The following CSMD2 variants were observed in gnomAD, a reference collection of about 807,000 sequenced individuals.
CSMD2 encodes the protein CUB and sushi domain-containing protein 2.
CSMD2 carries 130 observed loss-of-function variants against 398.5 expected under a neutral mutation model. That is an observed-to-expected ratio of 0.33 (90% CI 0.28 to 0.38). CSMD2 has a LOEUF of 0.38. Among genes scored for constraint, CSMD2 ranks in the 10% least tolerant of loss-of-function variants. CSMD2 has a pLI of 1.00. For synonymous variants in CSMD2, 1,828 were observed against 1,908.5 expected (o/e 0.96, Z 1.10); for missense variants, 3,829 against 4,764.9 (o/e 0.80, Z 5.78).
intron 2 of CSMD2, among the ~76,000 whole-genome samples, chr1:34,073,151 CCTT>C (rs1278177771): frequency 6.6e-6 from 1 of 152,232 alleles, no homozygotes; most frequent in African/African-American, 2.4e-5. Context: ...TCCTCTGCCT[CCTT>C]ATTAACCACA....
chr1:34,148,348 C>A (rs528749738), intron 1 of CSMD2, among the ~76,000 whole-genome samples: 7 of 152,162 alleles, frequency 4.6e-5, no homozygotes, highest in Admixed American at 1.3e-4. Flanking sequence ...GGCCCCTTGC[C>A]CAGTCTCTCA....
At chr1:33,760,735 C>T (rs1343941467) in intron 13 of CSMD2, among the ~76,000 whole-genome samples, 1 of 152,108 alleles carries the variant, frequency 6.6e-6, no homozygotes, top group Non-Finnish European at 1.5e-5. Context: ...GTGCTGGGCT[C>T]AGGGAAGGTA....
chr1:34,014,888 C>T (rs2148082875), intron 3 of CSMD2, among the ~76,000 whole-genome samples: 1 of 152,324 alleles, frequency 6.6e-6, no homozygotes, highest in Middle Eastern at 3.4e-3. Flanking sequence ...CTCTCTGTAC[C>T]AAGAAGCCTC....
intron 55 of CSMD2, among the ~76,000 whole-genome samples, chr1:33,554,015 G>A (rs1657714606): frequency 6.6e-6 from 1 of 151,860 alleles, no homozygotes; most frequent in African/African-American, 2.4e-5. Context: ...AGCAAGCAGA[G>A]GTTGGCTTAT....
rs150575122 is a variant in CSMD2, at chr1:33,602,395, C to T, written c.6684G>A (p.Glu2228=). The change falls in exon 43 of 71, where the codon GAG becomes GAA. Residue 2228 remains glutamate, a synonymous_variant. Coordinates refer to ENST00000373381, the MANE Select transcript of CSMD2 (RefSeq NM_001281956.2). ...AGATGGTGATGAAATCTCCAGAGGG[C>T]TCTGTCTGCAGCAGGCTGAGGTTGA... The part of the protein sequence containing the change: ...VRLNLSLLQT[E]PSGDFITIWD... 2.5e-6 allele frequency: 4 copies of T among 1,613,782 alleles called. No individual in the cohort carries two copies. Among genetic ancestry groups the T allele is most frequent in the Non-Finnish European group, 3.4e-6 (4 of 1,179,914 alleles).
rs1189657981 is a variant in CSMD2 at position 33,580,799 on chromosome 1, T to C, written c.7341A>G (p.Ser2447=). The C allele has an allele frequency of 1.9e-6, 3 of 1,614,180 alleles. No individual in the cohort carries two copies. The highest frequency in any genetic ancestry group is 1.7e-6 in the Non-Finnish European group (2 of 1,180,024). The change falls in exon 48 of 71, where the codon TCA becomes TCG. Residue 2447 remains serine (S), a synonymous_variant. Coordinates refer to ENST00000373381, the MANE Select transcript of CSMD2 (RefSeq NM_001281956.2). Reference sequence around the variant, plus strand: ...CCTTCCGATTGTAGGCGTGATCAGATGACCAACGCAGGTACACAGAGTTGC... The same window carrying C: ...CCTTCCGATTGTAGGCGTGATCAGACGACCAACGCAGGTACACAGAGTTGC... ...SSSNSVYLRW[S]SDHAYNRKGF... is the part of the protein sequence containing the mutation.
At chr1:33,669,512 C>A (rs904235940) in intron 25 of CSMD2, among the ~76,000 whole-genome samples, 2 of 152,180 alleles carry the variant, frequency 1.3e-5, no homozygotes, top group African/African-American at 4.8e-5. Context: ...CCCTGGGCTT[C>A]CCCAGTTGCC....
intron 6 of CSMD2, among the ~76,000 whole-genome samples, chr1:33,830,213 G>A (rs2125030955): frequency 6.6e-6 from 1 of 152,320 alleles, no homozygotes; most frequent in South Asian, 2.1e-4. Context: ...CTCCTCAAGT[G>A]GGTCCCTGAC....
rs201286217 is a variant in CSMD2 at position 33,810,724 on chromosome 1, C to T, written c.1446+19G>A. ...TAGCCCTGCCCACAGAACACCACCC[C>T]GCTCCCCAAGAGGCTTACCTTGGAG... On this transcript the variant is annotated intron_variant, in intron 10 of 70. Coordinates refer to ENST00000373381, the MANE Select transcript of CSMD2 (RefSeq NM_001281956.2). 2.1e-3 allele frequency: 3,336 copies of T among 1,611,546 alleles called. 19 individuals are homozygous for T. The Middle Eastern group carries it at 0.021, about 10-fold the overall frequency.
At chr1:33,534,218 A>G (rs1321821722) in intron 62 of CSMD2, among the ~76,000 whole-genome samples, 1 of 152,206 alleles carries the variant, frequency 6.6e-6, no homozygotes, top group African/African-American at 2.4e-5. Flanking sequence ...GGCAGGCTGC[A>G]TGGAACTCTG....
intron 25 of CSMD2, among the ~76,000 whole-genome samples, chr1:33,677,759 C>T (rs1262591607): frequency 6.6e-6 from 1 of 151,722 alleles, no homozygotes; most frequent in African/African-American, 2.4e-5. Context: ...ACATATACAC[C>T]ATGGAATACT....
chr1:33,581,684 G>A (rs1570813628), intron 47 of CSMD2, among the ~76,000 whole-genome samples: 1 of 152,174 alleles, frequency 6.6e-6, no homozygotes, highest in East Asian at 1.9e-4. Context: ...TACTGCTTTT[G>A]AAAGCTCTTT....
In CSMD2 at chr1:33,838,147, C is replaced by T. The variant is rs570510617; in HGVS notation, c.1033+8737G>A. Among the ~76,000 whole-genome samples, 3 of 152,100 alleles carry T rather than the reference C, an allele frequency of 2.0e-5. No homozygotes were observed. In the South Asian group the frequency reaches 6.2e-4, roughly 31 times the overall value. On this transcript the variant is annotated intron_variant, in intron 6 of 70. Transcript: ENST00000373381. ...CAGACTTCCCTCTATGAGGGTGAGC[C>T]CCTCCAATAAACTAGATCATTCCCC...
At chr1:34,117,802 C>A (rs968713206) in intron 1 of CSMD2, among the ~76,000 whole-genome samples, 6 of 152,136 alleles carry the variant, frequency 3.9e-5, no homozygotes, top group South Asian at 2.1e-4. Flanking sequence ...GTTTGAAATG[C>A]AAAAATTTTG....
intron 1 of CSMD2, among the ~76,000 whole-genome samples, chr1:34,089,467 C>G (rs974413841): frequency 1.3e-5 from 2 of 152,176 alleles, no homozygotes; most frequent in African/African-American, 4.8e-5. Context: ...CTTTGAGAAT[C>G]TGAACTACAC....
intron 12 of CSMD2, among the ~76,000 whole-genome samples, chr1:33,787,360 T>A (rs1052113739): frequency 1.3e-5 from 2 of 152,308 alleles, no homozygotes; most frequent in African/African-American, 4.8e-5. Flanking sequence ...AGGAGGAACC[T>A]ATGGTACACT....
rs1557818492 is a variant in CSMD2 at position 33,739,104 on chromosome 1, G to GA, written c.2368+35dup. On this transcript the variant is annotated intron_variant, in intron 15 of 70. Coordinates refer to ENST00000373381, the MANE Select transcript of CSMD2 (RefSeq NM_001281956.2). ...CTCCCCCTCCCCAGCCTCTCTGGCTGACAATGGCCACTGCTCCCAGCCTGC... is the reference window on the plus strand; with the variant it reads ...CTCCCCCTCCCCAGCCTCTCTGGCTGAACAATGGCCACTGCTCCCAGCCTGC... The GA allele has an allele frequency of 1.9e-6, 3 of 1,588,278 alleles. No individual in the cohort carries two copies. In the Admixed American group the frequency reaches 5.4e-5, roughly 29 times the overall value.
At chr1:33,996,512 G>A (rs1212872081) in intron 3 of CSMD2, among the ~76,000 whole-genome samples, 1 of 152,202 alleles carries the variant, frequency 6.6e-6, no homozygotes, top group African/African-American at 2.4e-5. Context: ...GAGCTGGGCA[G>A]ACAAGAGGAC....
intron 3 of CSMD2, among the ~76,000 whole-genome samples, chr1:33,974,404 A>G (rs545315): frequency 0.87 from 132,227 of 152,322 alleles, 57,610 homozygotes; most frequent in East Asian, 1. Context: ...AGCCAGGCAT[A>G]GGGCCAAGCA....
Sources: allele counts gnomAD v4.1 joint callset (sites outside exome capture counted in the v4.1 genomes callset), GRCh38; gene constraint gnomAD v4.1.1; transcripts MANE v1.5; gene names NCBI Gene and HGNC (gene_info 2026-07-23, HGNC 2026-07-21).